GABBR2: variants seen among roughly 807,000 people sequenced by gnomAD.
The protein encoded by GABBR2 is gamma-aminobutyric acid type B receptor subunit 2, also known as G-protein coupled receptor 51.
GABBR2 carries 23 observed loss-of-function variants against 105.6 expected under a neutral mutation model. The observed-to-expected ratio is 0.22, with a 90% CI of 0.16 to 0.31. The LOEUF (loss-of-function observed/expected upper bound fraction) is 0.31, where lower values mean the gene tolerates loss of function less well. Among genes scored for constraint, GABBR2 ranks in the 10% least tolerant of loss-of-function variants. The pLI, the probability that GABBR2 is intolerant of heterozygous loss-of-function variation, is 1.00. For synonymous variants in GABBR2, 478 were observed against 499.7 expected (o/e 0.96, Z 0.58); for missense variants, 734 against 1,245.5 (o/e 0.59, Z 6.18).
chr9:98,685,858 C>A (rs1437929643), intron 1 of GABBR2, among the ~76,000 whole-genome samples: 1 of 152,046 alleles, frequency 6.6e-6, no homozygotes, highest in African/African-American at 2.4e-5. Context: ...TCATCCCCAG[C>A]TAATTTTTTT....
intron 11 of GABBR2, among the ~76,000 whole-genome samples, chr9:98,383,102 C>G (rs1029379916): frequency 6.6e-6 from 1 of 152,068 alleles, no homozygotes; most frequent in African/African-American, 2.4e-5. Flanking sequence ...CCTCCATGCC[C>G]GGCTAATTTT....
rs375080490 is a variant in GABBR2 at position 98,600,823 on chromosome 9, G to A, written c.322-22751C>T. Among the ~76,000 whole-genome samples the A allele has an allele frequency of 1.1e-4, 16 of 152,296 alleles. No homozygotes were observed. The East Asian group carries it at 1.5e-3, about 15-fold the overall frequency. On this transcript the variant is annotated intron_variant, in intron 1 of 18. Coordinates refer to ENST00000259455, the MANE Select transcript of GABBR2 (RefSeq NM_005458.8). ...GCCTCTGCACCGCACCGCCACATGC[G>A]TGTGTCTGGCCTCACTGTGGCAGGT...
chr9:98,305,484 A>G (rs1253929487), intron 15 of GABBR2, among the ~76,000 whole-genome samples: 1 of 152,238 alleles, frequency 6.6e-6, no homozygotes, highest in Non-Finnish European at 1.5e-5. Flanking sequence ...TAAGCAAAGA[A>G]CAAAATGTGT....
intron 11 of GABBR2, among the ~76,000 whole-genome samples, chr9:98,384,623 G>C (rs1320412051): frequency 1.3e-5 from 2 of 151,790 alleles, no homozygotes; most frequent in Non-Finnish European, 2.9e-5. Flanking sequence ...AAAAATAAAA[G>C]GCATTTCTTT....
In GABBR2 at chr9:98,366,019, G is replaced by C. The variant is rs556508511; in HGVS notation, c.1771-3182C>G. On this transcript the variant is annotated intron_variant, in intron 12 of 18. Transcript: ENST00000259455. The stretch of plus-strand genomic sequence containing the variant: ...GTAGGAGGTACTTAGTGGCAGATGA[G>C]AGCAAAGGCACCCAGTAATGATTAA... 4.8e-4 allele frequency among the ~76,000 whole-genome samples: 73 copies of C among 152,318 alleles called. 1 individual carries two copies. The highest frequency in any genetic ancestry group is 1.7e-3 in the African/African-American group (72 of 41,568).
At chr9:98,405,802 G>A (rs763208602) in intron 8 of GABBR2, among the ~76,000 whole-genome samples, 4 of 152,154 alleles carry the variant, frequency 2.6e-5, no homozygotes, top group East Asian at 1.9e-4. Flanking sequence ...TGGTACAGAC[G>A]GAATCATCCA....
intron 3 of GABBR2, among the ~76,000 whole-genome samples, chr9:98,516,934 C>A (rs1377281376): frequency 6.6e-6 from 1 of 152,232 alleles, no homozygotes; most frequent in Non-Finnish European, 1.5e-5. Context: ...GGCCAGCAAT[C>A]TGTGTTTGCA....
chr9:98,306,455 GAGGGAGGGTC>G lies in GABBR2; in HGVS notation c.2005-120_2005-111del. 1.7e-6 allele frequency: 1 copy of G among 588,858 alleles called. No individual in the cohort carries two copies. Among genetic ancestry groups the G allele is most frequent in the Non-Finnish European group, 3.2e-6 (1 of 313,574 alleles). The allele number at this position is 588,858 out of a possible 1,614,324, so 36.5% of individuals were successfully genotyped here. On this transcript the variant is annotated intron_variant, in intron 14 of 18. Coordinates refer to ENST00000259455, the MANE Select transcript of GABBR2 (RefSeq NM_005458.8). The surrounding 1 kb of genome is among the most constrained non-coding windows in gnomAD (Gnocchi z 5.4). ...GGTTACTCAGGAGGTGGGCTGCAGG[GAGGGAGGGTC>G]GGGGGCCTTGCTGTCAGCCGGGTCT...
In GABBR2 at chr9:98,388,915, T is replaced by C. The variant is rs762250825; in HGVS notation, c.1468A>G (p.Ile490Val). 1.2e-5 allele frequency: 20 copies of C among 1,613,774 alleles called. No individual in the cohort carries two copies. The highest frequency in any genetic ancestry group is 1.7e-5 in the Non-Finnish European group (20 of 1,179,768). The change falls in exon 10 of 19, where the codon ATC becomes GTC. Residue 490 changes from isoleucine to valine, a missense_variant. Around this residue, in one of 7 missense-constraint regions of GABBR2, gnomAD observed 370 missense variants for 648.9 expected, o/e 0.57. Coordinates refer to ENST00000259455, the MANE Select transcript of GABBR2 (RefSeq NM_005458.8). The surrounding 1 kb of genome is among the most constrained non-coding windows in gnomAD (Gnocchi z 4.4). ...PLYSILSALT[I>V]LGMIMASAFL... ...GCACTGGCCATGATCATCCCGAGGA[T>C]GGTGAGGGCAGAGAGGATGCTGTAG...
intron 8 of GABBR2, among the ~76,000 whole-genome samples, chr9:98,404,393 A>T (rs893544514): frequency 1.3e-5 from 2 of 152,182 alleles, no homozygotes; most frequent in Non-Finnish European, 2.9e-5. Flanking sequence ...TGCATTACAG[A>T]GCGATAGCGC....
intron 3 of GABBR2, among the ~76,000 whole-genome samples, chr9:98,523,225 G>C (rs1269575275): frequency 6.6e-6 from 1 of 152,172 alleles, no homozygotes; most frequent in Non-Finnish European, 1.5e-5. Context: ...CATATAAAGG[G>C]AAGGTATTAT....
intron 1 of GABBR2, among the ~76,000 whole-genome samples, chr9:98,685,540 C>A (rs61367866): frequency 0.015 from 2,339 of 152,316 alleles, 63 homozygotes; most frequent in African/African-American, 0.053. Context: ...TCAGTGCACA[C>A]CTTCTGATTT....
At chr9:98,569,414 G>T (rs1200036894) in intron 2 of GABBR2, among the ~76,000 whole-genome samples, 1 of 152,146 alleles carries the variant, frequency 6.6e-6, no homozygotes, top group African/African-American at 2.4e-5. Flanking sequence ...AAAAAACCCT[G>T]TTGTCCATGC....
chr9:98,508,185 C>T (rs535482309), intron 3 of GABBR2, among the ~76,000 whole-genome samples: 84 of 152,174 alleles, frequency 5.5e-4, no homozygotes, highest in Non-Finnish European at 1.1e-3. Flanking sequence ...CAGCAATATG[C>T]AAAGTGAGCC....
intron 1 of GABBR2, among the ~76,000 whole-genome samples, chr9:98,674,257 A>C (rs28418488): frequency 0.098 from 14,878 of 152,198 alleles, 1,262 homozygotes; most frequent in African/African-American, 0.23. Flanking sequence ...TGTTCTTACA[A>C]GTGACTTCAC....
At chr9:98,443,750 G>T (rs1343033677) in intron 7 of GABBR2, among the ~76,000 whole-genome samples, 1 of 152,158 alleles carries the variant, frequency 6.6e-6, no homozygotes, top group Non-Finnish European at 1.5e-5. Context: ...CACTGTCAAG[G>T]GGCTCAGAGT....
chr9:98,409,703 A>T (rs1832551641), intron 7 of GABBR2, among the ~76,000 whole-genome samples: 2 of 152,114 alleles, frequency 1.3e-5, no homozygotes, highest in East Asian at 1.9e-4. Flanking sequence ...AGGGTCATGG[A>T]TCTAGCCCTG....
At chr9:98,516,273 G>C (rs1827755603) in intron 3 of GABBR2, 1 of 152,244 alleles carries the variant, frequency 6.6e-6, no homozygotes, top group Non-Finnish European at 1.5e-5. Flanking sequence ...TTCACCTCCT[G>C]GCCCCAAGGT....
chr9:98,414,435 G>C (rs1365662652), intron 7 of GABBR2, among the ~76,000 whole-genome samples: 1 of 152,200 alleles, frequency 6.6e-6, no homozygotes, highest in African/African-American at 2.4e-5. Flanking sequence ...CAAGGAATGT[G>C]ACCGGCAAGG....
Sources: allele counts gnomAD v4.1 joint callset (sites outside exome capture counted in the v4.1 genomes callset), GRCh38; gene constraint gnomAD v4.1.1; regional missense constraint gnomAD v4.1.1; non-coding constraint Gnocchi (gnomAD v3.1); transcripts MANE v1.5; gene names NCBI Gene and HGNC (gene_info 2026-07-23, HGNC 2026-07-21).